PRR12: variants seen among roughly 807,000 people sequenced by gnomAD.
PRR12 encodes proline rich 12.
In PRR12, 12 loss-of-function variants were observed where a neutral mutation model predicts 138.0. The ratio of observed to expected loss-of-function variants is 0.09; its 90% confidence interval spans 0.06 to 0.14. The LOEUF (loss-of-function observed/expected upper bound fraction) is 0.14. PRR12 is among the 10% of genes least tolerant of loss of function. The pLI, the probability that PRR12 is intolerant of heterozygous loss-of-function variation, is 1.00. For missense variants in PRR12, 2,692 were observed against 2,861.3 expected (o/e 0.94, Z 1.35); for synonymous variants, 1,567 against 1,291.7 (o/e 1.21, Z -4.57).
rs982628402 is a variant in PRR12 at position 49,616,244 on chromosome 19, C to A, written c.5497+25C>A. The A allele has an allele frequency of 1.3e-6, 2 of 1,488,864 alleles. No individual in the cohort carries two copies. Among genetic ancestry groups the A allele is most frequent in the East Asian group, 2.4e-5 (1 of 41,064 alleles). The allele number at this position is 1,488,864 out of a possible 1,614,324, so 92.2% of individuals were successfully genotyped here. ...GGTGAGGCCCTAGGCAGCCTCAGGG[C>A]TGCAGGGGTGGGTGGGGAAGGGACA... is the stretch of plus-strand genomic sequence containing the variant. On this transcript the variant is annotated intron_variant, in intron 9 of 13. Transcript: ENST00000418929. This position sits in a 1 kb window ranked among gnomAD's most constrained non-coding sequence, Gnocchi z 4.2.
intron 5 of PRR12, among the ~76,000 whole-genome samples, chr19:49,600,393 GAC>G (rs952071919): frequency 1.1e-4 from 16 of 151,716 alleles, no homozygotes; most frequent in African/African-American, 3.6e-4. Context: ...TCTGGTTTTG[GAC>G]ACAGTTTAAG....
chr19:49,592,315 C>T (rs1039341350), intron 1 of PRR12, among the ~76,000 whole-genome samples: 1 of 152,188 alleles, frequency 6.6e-6, no homozygotes, highest in African/African-American at 2.4e-5. Context: ...GACACGCCCC[C>T]TTTAATGCCC....
intron 1 of PRR12, among the ~76,000 whole-genome samples, chr19:49,592,323 C>T (rs954894262): frequency 1.3e-5 from 2 of 152,078 alleles, no homozygotes; most frequent in South Asian, 2.1e-4. Context: ...CCCTTTAATG[C>T]CCCCACCCCC....
intron 9 of PRR12, among the ~76,000 whole-genome samples, chr19:49,619,047 A>G (rs114448387): frequency 0.017 from 2,526 of 151,996 alleles, 70 homozygotes; most frequent in African/African-American, 0.057. Context: ...GCCAGCTCCC[A>G]TCTCGTCCCT....
At position 49,596,333 on chromosome 19, in the gene PRR12, G is replaced by A; in HGVS notation, c.1998G>A (p.Gly666=). The part of the protein sequence containing the change: ...SGADGLVGED[G]AADASKGLGG... ...CGGACGGCTTGGTGGGCGAGGACGG[G>A]GCAGCAGATGCCTCTAAGGGACTTG... Residue 666 remains glycine, a synonymous_variant, in exon 4 of 14, where the codon GGG becomes GGA. Coordinates refer to ENST00000418929, the MANE Select transcript of PRR12 (RefSeq NM_020719.3). The surrounding 1 kb of genome is among the most constrained non-coding windows in gnomAD (Gnocchi z 5.6). 1 of 1,610,180 alleles carries A rather than the reference G, an allele frequency of 6.2e-7. No individual in the cohort carries two copies. The highest frequency in any genetic ancestry group is 8.5e-7 in the Non-Finnish European group (1 of 1,179,556).
chr19:49,621,617 C>A lies in PRR12; in HGVS notation c.5716C>A (p.Leu1906Met), dbSNP rs2122377100. 1 of 1,586,920 alleles carries A rather than the reference C, an allele frequency of 6.3e-7. No individual in the cohort carries two copies. Among genetic ancestry groups the A allele is most frequent in the Non-Finnish European group, 8.6e-7 (1 of 1,167,780 alleles). The change falls in exon 11 of 14, where the codon CTG becomes ATG. Residue 1906 changes from leucine (L) to methionine (M), a missense_variant. Leu to Met is a conservative substitution (Grantham distance 15). Around this residue, in one of 11 missense-constraint regions of PRR12, gnomAD observed 116 missense variants for 243.4 expected, o/e 0.48. Transcript: ENST00000418929. ...GAAGCGGCTGTCGCTAAGCCCAGCC[C>A]TGCAGGTGCCTGGGGGTCTGGGCAG... ...VLKRLSLSPA[L>M]QDALHTFPQL...
chr19:49,610,477 A>C (rs2122342147), intron 6 of PRR12, among the ~76,000 whole-genome samples: 1 of 151,440 alleles, frequency 6.6e-6, no homozygotes, highest in East Asian at 1.9e-4. Flanking sequence ...ATCCCAACAC[A>C]TTGCGGCCTG....
rs748042641 is a variant in PRR12, at chr19:49,597,674, C to T, written c.3339C>T (p.Asp1113=). The T allele has an allele frequency of 1.2e-6, 2 of 1,606,204 alleles. No individual in the cohort carries two copies. The highest frequency in any genetic ancestry group is 2.2e-5 in the South Asian group (2 of 89,620). Residue 1113 remains aspartate, a synonymous_variant, in exon 4 of 14, where the codon GAC becomes GAT. Coordinates refer to ENST00000418929, the MANE Select transcript of PRR12 (RefSeq NM_020719.3). The surrounding 1 kb of genome is among the most constrained non-coding windows in gnomAD (Gnocchi z 6.3). The part of the protein sequence containing the change: ...ADEDKADVPA[D]IRLNPRRLPD... ...AGGACAAGGCCGATGTTCCCGCCGA[C>T]ATCCGCCTCAACCCCCGGCGCTTGC...
At position 49,596,653 on chromosome 19, in the gene PRR12, C is replaced by G. The variant is rs1446038102; in HGVS notation, c.2318C>G (p.Ser773Cys). 2.5e-6 allele frequency: 4 copies of G among 1,602,512 alleles called. No homozygotes were observed. Among genetic ancestry groups the G allele is most frequent in the Non-Finnish European group, 3.4e-6 (4 of 1,176,230 alleles). Residue 773 changes from serine to cysteine, a missense_variant, in exon 4 of 14, where the codon TCT (serine) becomes TGT (cysteine). Physicochemically the swap from Ser to Cys is moderately radical, Grantham distance 112. Around this residue, in one of 11 missense-constraint regions of PRR12, gnomAD observed 840 missense variants for 689.8 expected, o/e 1.22. Coordinates refer to ENST00000418929, the MANE Select transcript of PRR12 (RefSeq NM_020719.3). This position sits in a 1 kb window ranked among gnomAD's most constrained non-coding sequence, Gnocchi z 5.6. ...CCGCCCCCACCTCCCACGGCCCAGTCTACCCAGCCCACTCCCCATGGCCTC... is the reference window on the plus strand; with the variant it reads ...CCGCCCCCACCTCCCACGGCCCAGTGTACCCAGCCCACTCCCCATGGCCTC... Reference protein sequence around the residue: ...SPPPPPPTAQSTQPTPHGLLL... With the variant: ...SPPPPPPTAQCTQPTPHGLLL...
At position 49,626,284 on chromosome 19, in the gene PRR12, G is replaced by C. The variant is rs756442505; in HGVS notation, c.*677G>C. On this transcript the variant is annotated 3_prime_UTR_variant, in exon 14 of 14. Transcript: ENST00000418929. ...TCTGGATGTGGTTCTATTTTTTATC[G>C]GTCTCCTTTCCCCTCCTCCCCGTTC... 4.6e-5 allele frequency: 7 copies of C among 150,864 alleles called. No individual in the cohort carries two copies. The highest frequency in any genetic ancestry group is 8.9e-5 in the Non-Finnish European group (6 of 67,712). 9.3% of individuals were successfully genotyped at this position (150,864 alleles called of 1,614,324 possible).
In PRR12 at chr19:49,614,693, T is replaced by G. The variant is rs1480106910; in HGVS notation, c.4890+44T>G. The stretch of plus-strand genomic sequence containing the variant: ...CCAAGGACTTGGGGGCCCCGGGGCG[T>G]GGTATCTAGGAGCTGGGGTTCCCCT... On this transcript the variant is annotated intron_variant, in intron 7 of 13. Transcript: ENST00000418929. This position sits in a 1 kb window ranked among gnomAD's most constrained non-coding sequence, Gnocchi z 5.0. 1.3e-6 allele frequency: 2 copies of G among 1,516,314 alleles called. No homozygotes were observed. The highest frequency in any genetic ancestry group is 2.0e-5 in the Admixed American group (1 of 50,170). 93.9% of individuals were successfully genotyped at this position (1,516,314 alleles called of 1,614,324 possible).
chr19:49,615,967 C>A lies in PRR12; in HGVS notation c.5245C>A (p.Arg1749Ser), dbSNP rs749980282. ...GGAAAAGGAGAAGGAGAAGGTGACA[C>A]GTGGAGAGCGGCCATTGCGGGGTGA... ...EKEKEKEKVT[R>S]GERPLRGERA... Residue 1749 changes from arginine to serine, a missense_variant, in exon 9 of 14, where the codon CGT becomes AGT. Arg to Ser is a moderately radical substitution (Grantham distance 110, BLOSUM62 -1). This residue lies in a region of PRR12 where 259 missense variants were observed against 265.1 expected (regional missense o/e 0.98). Coordinates refer to ENST00000418929, the MANE Select transcript of PRR12 (RefSeq NM_020719.3). 7.7e-6 allele frequency: 12 copies of A among 1,552,882 alleles called. No homozygotes were observed. The highest frequency in any genetic ancestry group is 9.6e-6 in the Non-Finnish European group (11 of 1,147,660).
chr19:49,596,137 C>T lies in PRR12; in HGVS notation c.1802C>T (p.Ala601Val), dbSNP rs748899290. 1.2e-6 allele frequency: 2 copies of T among 1,605,676 alleles called. No homozygotes were observed. Residue 601 changes from alanine (A) to valine (V), a missense_variant, in exon 4 of 14, where the codon GCA becomes GTA. Ala to Val is a moderately conservative substitution (Grantham distance 64, BLOSUM62 0). Coordinates refer to ENST00000418929, the MANE Select transcript of PRR12 (RefSeq NM_020719.3). The surrounding 1 kb of genome is among the most constrained non-coding windows in gnomAD (Gnocchi z 5.6). ...GTCTTGGCCTCAGCGCCTTTCCTGG[C>T]ACCTCCGGGAGCTGGCAGCTATGCA... is the stretch of plus-strand genomic sequence containing the variant. ...SSVLASAPFL[A>V]PPGAGSYAAG...
At position 49,596,728 on chromosome 19, in the gene PRR12, C is replaced by G; in HGVS notation, c.2393C>G (p.Pro798Arg). The G allele has an allele frequency of 6.2e-7, 1 of 1,605,040 alleles. No individual in the cohort carries two copies. The highest frequency in any genetic ancestry group is 8.5e-7 in the Non-Finnish European group (1 of 1,178,652). Residue 798 changes from proline (P) to arginine (R), a missense_variant, in exon 4 of 14, where the codon CCC (proline) becomes CGC (arginine). Coordinates refer to ENST00000418929, the MANE Select transcript of PRR12 (RefSeq NM_020719.3). The surrounding 1 kb of genome is among the most constrained non-coding windows in gnomAD (Gnocchi z 5.6). ...CTCCCACTGGTGCTGCCTCCGCCTCCCCCCCAGCTGCTCCCCTCGGTCCTC... is the reference window on the plus strand; with the variant it reads ...CTCCCACTGGTGCTGCCTCCGCCTCGCCCCCAGCTGCTCCCCTCGGTCCTC... ...PDLPLVLPPP[P>R]PQLLPSVLSH... is the part of the protein sequence containing the mutation.
chr19:49,623,508 T>A (rs1433722231), intron 11 of PRR12, among the ~76,000 whole-genome samples: 2 of 152,008 alleles, frequency 1.3e-5, no homozygotes, highest in Non-Finnish European at 2.9e-5. Context: ...GGTGGGTGCC[T>A]GTAGTCCCAG....
chr19:49,595,814 A>G lies in PRR12; in HGVS notation c.1479A>G (p.Thr493=), dbSNP rs771759648. Residue 493 remains threonine (T), a synonymous_variant, in exon 4 of 14, where the codon ACA becomes ACG. Coordinates refer to ENST00000418929, the MANE Select transcript of PRR12 (RefSeq NM_020719.3). The part of the protein sequence containing the change: ...PSGPPPPGLA[T]CQSYSPDQLQ... The stretch of plus-strand genomic sequence containing the variant: ...GCCCCCCTCCTCCTGGCCTGGCCAC[A>G]TGTCAGAGCTACTCCCCGGACCAGC... 10 of 1,598,602 alleles carry G rather than the reference A, an allele frequency of 6.3e-6. No homozygotes were observed. In the South Asian group the frequency reaches 7.8e-5, roughly 12 times the overall value.
At chr19:49,592,711 A>G (rs1206244021) in intron 1 of PRR12, among the ~76,000 whole-genome samples, 1 of 152,024 alleles carries the variant, frequency 6.6e-6, no homozygotes, top group Non-Finnish European at 1.5e-5. Context: ...GCATGGGCCC[A>G]TGCATTTGAA....
intron 11 of PRR12, among the ~76,000 whole-genome samples, chr19:49,624,211 GAGACTGAGAATTCT>G (rs1296462069): frequency 6.7e-6 from 1 of 148,258 alleles, no homozygotes; most frequent in African/African-American, 2.5e-5. Context: ...TGGTTAGGAT[GAGACTGAGAATTCT>G]GGGGTAGGTG....
At chr19:49,613,224 A>G (rs2080875364) in intron 6 of PRR12, among the ~76,000 whole-genome samples, 1 of 151,188 alleles carries the variant, frequency 6.6e-6, no homozygotes, top group Admixed American at 6.6e-5. Context: ...AATCCCAGCT[A>G]CTAAGGAGGC....
Sources: gnomAD v4.1 joint callset for allele counts (sites outside exome capture counted in the v4.1 genomes callset) on GRCh38, gnomAD v4.1.1 for gene constraint, gnomAD v4.1.1 regional missense constraint, Gnocchi (gnomAD v3.1) non-coding constraint, MANE v1.5 for transcripts, NCBI Gene and HGNC (gene_info 2026-07-23, HGNC 2026-07-21) for gene names.